Variants in PTPRD observed in about 807,000 individuals in gnomAD.
PTPRD encodes protein tyrosine phosphatase receptor type D, also known as receptor-type tyrosine-protein phosphatase delta.
PTPRD carries 34 observed loss-of-function variants against 214.5 expected under a neutral mutation model. That is an observed-to-expected ratio of 0.16 (90% CI 0.12 to 0.21). The LOEUF (loss-of-function observed/expected upper bound fraction) is 0.21. Among genes scored for constraint, PTPRD ranks in the 10% least tolerant of loss-of-function variants. The pLI is 1.00. For synonymous variants in PTPRD, 1,128 were observed against 845.7 expected, an observed-to-expected ratio of 1.33 and a Z score of -5.79; for missense variants, 2,545 against 2,398.7, an observed-to-expected ratio of 1.06 and a Z score of -1.27.
intron 9 of PTPRD, among the ~76,000 whole-genome samples, chr9:9,362,995 C>A (rs1467294489): frequency 6.6e-6 from 1 of 151,098 alleles, no homozygotes; most frequent in Non-Finnish European, 1.5e-5. Flanking sequence ...TAACAGGAGG[C>A]AGCTCCAGTT....
intron 8 of PTPRD, among the ~76,000 whole-genome samples, chr9:9,420,906 C>A (rs1263043088): frequency 6.6e-6 from 1 of 151,526 alleles, no homozygotes; most frequent in Non-Finnish European, 1.5e-5. Flanking sequence ...TTTGACCAGT[C>A]CTTAACAGTG....
chr9:9,880,283 T>C (rs1008706234), intron 5 of PTPRD, among the ~76,000 whole-genome samples: 6 of 152,200 alleles, frequency 3.9e-5, no homozygotes, highest in African/African-American at 1.4e-4. Context: ...CAATTAAACC[T>C]CTTTTCTTTA....
At chr9:10,447,274 G>A (rs2098806687) in intron 2 of PTPRD, among the ~76,000 whole-genome samples, 1 of 151,984 alleles carries the variant, frequency 6.6e-6, no homozygotes, top group African/African-American at 2.4e-5. Context: ...CACATGGCAT[G>A]CAGAGAAATA....
chr9:9,773,004 C>A (rs951726706), intron 5 of PTPRD, among the ~76,000 whole-genome samples: 1 of 152,112 alleles, frequency 6.6e-6, no homozygotes, highest in Non-Finnish European at 1.5e-5. Flanking sequence ...ATAGAATAAA[C>A]AAACTGTAGT....
intron 18 of PTPRD, 66 bp downstream of exon 18, chr9:8,524,859 C>A: frequency 7.7e-7 from 1 of 1,298,008 alleles, no homozygotes; most frequent in South Asian, 1.2e-5. Flanking sequence ...CAACACGGAC[C>A]CTGCGGCGTC....
chr9:9,902,775 A>G (rs986131468), intron 5 of PTPRD, among the ~76,000 whole-genome samples: 1 of 152,174 alleles, frequency 6.6e-6, no homozygotes, highest in Non-Finnish European at 1.5e-5. Context: ...TTGGAGATGT[A>G]AAGGTGAGCT....
intron 2 of PTPRD, among the ~76,000 whole-genome samples, chr9:10,446,934 A>G (rs1483572939): frequency 1.3e-5 from 2 of 152,212 alleles, no homozygotes; most frequent in Non-Finnish European, 2.9e-5. Flanking sequence ...AAGCAAGGAC[A>G]CGTTTACAGA....
intron 3 of PTPRD, among the ~76,000 whole-genome samples, chr9:10,145,944 T>C (rs2099019435): frequency 6.6e-6 from 1 of 150,902 alleles, no homozygotes; most frequent in African/African-American, 2.5e-5. Context: ...TGTATGCATG[T>C]TTATAAACAG....
At chr9:8,518,451 G>C (rs1410207839) in intron 20 of PTPRD, 22 bp from the exon 21 acceptor site, 1 of 1,495,990 alleles carries the variant, frequency 6.7e-7, no homozygotes, top group Non-Finnish European at 9.1e-7. Context: ...GAAGATAAAA[G>C]ACAATGACTA....
At chr9:10,500,642 T>C (rs2133198039) in intron 2 of PTPRD, among the ~76,000 whole-genome samples, 1 of 151,892 alleles carries the variant, frequency 6.6e-6, no homozygotes, top group East Asian at 1.9e-4. Context: ...AATGGATCTT[T>C]TCATCCTTTC....
At chr9:8,328,780 C>T (rs1368761998) in intron 44 of PTPRD, among the ~76,000 whole-genome samples, 2 of 151,996 alleles carry the variant, frequency 1.3e-5, no homozygotes, top group Admixed American at 1.3e-4. Flanking sequence ...TTGAGTTGAT[C>T]TTCAATCTCG....
intron 39 of PTPRD, among the ~76,000 whole-genome samples, chr9:8,368,934 T>G (rs2080736007): frequency 6.6e-6 from 1 of 152,134 alleles, no homozygotes; most frequent in Non-Finnish European, 1.5e-5. Context: ...GGACATAATT[T>G]GTACACTCCA....
chr9:8,486,273 G>C lies in PTPRD; in HGVS notation c.2544C>G (p.Asp848Glu), dbSNP rs371396224. The change falls in exon 28 of 46, where the codon GAC becomes GAG. Residue 848 changes from aspartate to glutamate, a missense_variant. Physicochemically the swap from Asp to Glu is conservative, Grantham distance 45. Transcript: ENST00000381196. Reference sequence around the variant, plus strand: ...GGTAGCCCTGAAGAGGTCCAAATGTGTCCACCGGAGGGTGCCACTGAATAA... The same window carrying C: ...GGTAGCCCTGAAGAGGTCCAAATGTCTCCACCGGAGGGTGCCACTGAATAA... ...TALIQWHPPV[D>E]TFGPLQGYRL... The C allele has an allele frequency of 5.6e-6, 9 of 1,614,084 alleles. No individual in the cohort carries two copies. The African/African-American group carries it at 1.2e-4, about 22-fold the overall frequency.
chr9:8,885,569 T>G (rs2098480437), intron 11 of PTPRD, among the ~76,000 whole-genome samples: 1 of 142,698 alleles, frequency 7.0e-6, no homozygotes, highest in Non-Finnish European at 1.5e-5. Context: ...GGATCTCGGC[T>G]CACTGAAACC....
intron 7 of PTPRD, 62 bp from the exon 8 acceptor site, chr9:9,574,843 C>A (rs1016303848): frequency 6.6e-6 from 1 of 151,936 alleles, no homozygotes; most frequent in Non-Finnish European, 1.5e-5. Flanking sequence ...AATTAAAGAA[C>A]CTTAAGAGGT....
At chr9:9,891,661 C>G (rs1174741921) in intron 5 of PTPRD, among the ~76,000 whole-genome samples, 1 of 151,054 alleles carries the variant, frequency 6.6e-6, no homozygotes, top group Non-Finnish European at 1.5e-5. Flanking sequence ...TTTCAGACCT[C>G]TAAACACAGA....
At chr9:8,444,427 A>G (rs905680619) in intron 34 of PTPRD, among the ~76,000 whole-genome samples, 6 of 152,194 alleles carry the variant, frequency 3.9e-5, no homozygotes, top group African/African-American at 1.4e-4. Flanking sequence ...AACTACATAC[A>G]CAAATTAATT....
intron 9 of PTPRD, among the ~76,000 whole-genome samples, chr9:9,258,289 C>T (rs1250424921): frequency 3.3e-5 from 5 of 151,814 alleles, no homozygotes; most frequent in Non-Finnish European, 5.9e-5. Context: ...TTCCAGGCAA[C>T]AATACTATTA....
In PTPRD at chr9:9,823,912, G is replaced by C. The variant is rs189823532; in HGVS notation, c.-367-57061C>G. 7.9e-5 allele frequency among the ~76,000 whole-genome samples: 12 copies of C among 152,062 alleles called. No homozygotes were observed. In the East Asian group the frequency reaches 2.3e-3, roughly 29 times the overall value. ...AGAAACAATAAATGTTTGAGATAAT[G>C]AATATCTCAATTATGTTGATTTGAT... On this transcript the variant is annotated intron_variant, in intron 5 of 45. Coordinates refer to ENST00000381196, the MANE Select transcript of PTPRD (RefSeq NM_002839.4).
Sources: allele counts gnomAD v4.1 joint callset (sites outside exome capture counted in the v4.1 genomes callset), GRCh38; gene constraint gnomAD v4.1.1; transcripts MANE v1.5; gene names NCBI Gene and HGNC (gene_info 2026-07-23, HGNC 2026-07-21).